Variants in FAM3C observed in about 807,000 individuals in gnomAD.
The protein encoded by FAM3C is FAM3 metabolism regulating signaling molecule C.
A neutral mutation model predicts 32.5 loss-of-function variants in FAM3C; 15 were observed. That is an observed-to-expected ratio of 0.46 (90% confidence interval 0.31 to 0.71). The LOEUF (loss-of-function observed/expected upper bound fraction) is 0.71. Ranked by LOEUF, FAM3C falls within the 30% of genes least tolerant of loss-of-function variation. The pLI is 0.05. For missense variants in FAM3C, 175 were observed against 274.4 expected (o/e 0.64, Z 2.56); for synonymous variants, 75 against 86.1 (o/e 0.87, Z 0.72).
chr7:121,382,971 T>C lies in FAM3C; in HGVS notation c.-2A>G. On this transcript the variant is annotated 5_prime_UTR_variant, in exon 2 of 10. Coordinates refer to ENST00000359943, the MANE Select transcript of FAM3C (RefSeq NM_014888.3). ...AAATATCTTACCTGCTACCCTCATG[T>C]TTGGTTTTTCAGTTTATGGCACTTT... 2 of 1,603,148 alleles carry C rather than the reference T, an allele frequency of 1.2e-6. No individual in the cohort carries two copies. The highest frequency in any genetic ancestry group is 1.7e-6 in the Non-Finnish European group (2 of 1,173,056).
intron 1 of FAM3C, among the ~76,000 whole-genome samples, chr7:121,385,693 C>T (rs1794451602): frequency 1.3e-5 from 2 of 152,102 alleles, no homozygotes; most frequent in South Asian, 4.1e-4. Flanking sequence ...CCATTATTTC[C>T]TTGGGAAGTG....
At chr7:121,376,969 A>G (rs1429988762) in intron 3 of FAM3C, among the ~76,000 whole-genome samples, 1 of 152,164 alleles carries the variant, frequency 6.6e-6, no homozygotes, top group Non-Finnish European at 1.5e-5. Flanking sequence ...CAGTCTTGAG[A>G]TTAAATGTGA....
At chr7:121,351,798 G>T (rs1412812708) in intron 8 of FAM3C, among the ~76,000 whole-genome samples, 1 of 152,124 alleles carries the variant, frequency 6.6e-6, no homozygotes, top group Non-Finnish European at 1.5e-5. Context: ...ACTGCCAAGT[G>T]GTTACTTAAT....
intron 2 of FAM3C, 135 bp from the exon 3 acceptor site, chr7:121,379,149 T>C (rs749680065): frequency 7.1e-5 from 39 of 552,548 alleles, no homozygotes; most frequent in Non-Finnish European, 1.2e-4. Flanking sequence ...TAATTTTACA[T>C]GAGATACATA....
At chr7:121,390,853 C>CGGGGGGGG (rs58750532) in intron 1 of FAM3C, among the ~76,000 whole-genome samples, 7 of 7,460 alleles carry the variant, frequency 9.4e-4, no homozygotes, top group African/African-American at 1.8e-3. Flanking sequence ...CTGTGTGGGG[C>CGGGGGGGG]GGGGGGGGGG....
At chr7:121,394,301 T>C (rs1368272493) in intron 1 of FAM3C, among the ~76,000 whole-genome samples, 2 of 152,248 alleles carry the variant, frequency 1.3e-5, no homozygotes, top group East Asian at 1.9e-4. Flanking sequence ...TTGGCTGTCT[T>C]TTCCAATTTC....
At chr7:121,389,107 G>A (rs1451451439) in intron 1 of FAM3C, among the ~76,000 whole-genome samples, 1 of 152,146 alleles carries the variant, frequency 6.6e-6, no homozygotes, top group African/African-American at 2.4e-5. Flanking sequence ...AATCATGAAA[G>A]TGCCCCATCT....
chr7:121,393,540 A>T (rs1006088737), intron 1 of FAM3C, among the ~76,000 whole-genome samples: 6 of 152,200 alleles, frequency 3.9e-5, no homozygotes. Flanking sequence ...AATCATGAAT[A>T]GCGGATTTTC....
At chr7:121,361,913 G>A (rs201113172) in intron 7 of FAM3C, among the ~76,000 whole-genome samples, 12 of 152,160 alleles carry the variant, frequency 7.9e-5, no homozygotes, top group Non-Finnish European at 1.8e-4. Context: ...TCCTGACGTC[G>A]TGATCTGCCT....
At chr7:121,378,280 T>A (rs1416317932) in intron 3 of FAM3C, among the ~76,000 whole-genome samples, 4 of 151,056 alleles carry the variant, frequency 2.6e-5, no homozygotes, top group East Asian at 3.9e-4. Flanking sequence ...AAAAAAAAAA[T>A]GCCACAGAGG....
chr7:121,353,977 C>G (rs1793760049), intron 8 of FAM3C, among the ~76,000 whole-genome samples: 1 of 152,194 alleles, frequency 6.6e-6, no homozygotes, highest in Admixed American at 6.5e-5. Flanking sequence ...TATCTAACTA[C>G]AGTTTTATAA....
intron 5 of FAM3C, among the ~76,000 whole-genome samples, chr7:121,366,348 C>T (rs887431586): frequency 2.0e-5 from 3 of 152,014 alleles, no homozygotes; most frequent in African/African-American, 7.2e-5. Flanking sequence ...AATGGAATAT[C>T]GTTCAGACAT....
chr7:121,368,099 T>A (rs1794060551), intron 5 of FAM3C, among the ~76,000 whole-genome samples: 1 of 152,200 alleles, frequency 6.6e-6, no homozygotes, highest in Non-Finnish European at 1.5e-5. Context: ...TTTATCAGCA[T>A]AATGTATTTT....
chr7:121,359,606 T>C (rs1248172454), intron 8 of FAM3C, among the ~76,000 whole-genome samples: 2 of 151,908 alleles, frequency 1.3e-5, no homozygotes, highest in Non-Finnish European at 2.9e-5. Flanking sequence ...GAAAAAGTTA[T>C]AAAACTACTA....
chr7:121,370,169 A>G (rs1392260066), intron 5 of FAM3C, among the ~76,000 whole-genome samples: 1 of 152,258 alleles, frequency 6.6e-6, no homozygotes, highest in Non-Finnish European at 1.5e-5. Context: ...TCAGTAAAAC[A>G]GGACTATTCT....
chr7:121,383,555 T>A (rs1338236735), intron 1 of FAM3C, among the ~76,000 whole-genome samples: 1 of 152,192 alleles, frequency 6.6e-6, no homozygotes, highest in Non-Finnish European at 1.5e-5. Flanking sequence ...TGTTTTTCGA[T>A]TTAAGTTTGT....
chr7:121,375,771 T>C (rs140988850), intron 3 of FAM3C, among the ~76,000 whole-genome samples: 160 of 152,320 alleles, frequency 1.1e-3, no homozygotes, highest in African/African-American at 3.7e-3. Flanking sequence ...TCTTTTCCCA[T>C]GTAACTTCTA....
intron 3 of FAM3C, among the ~76,000 whole-genome samples, chr7:121,377,763 G>C (rs781734882): frequency 2.2e-4 from 33 of 152,242 alleles, no homozygotes; most frequent in Non-Finnish European, 3.5e-4. Flanking sequence ...ACTTATCATT[G>C]TGTTCAACTG....
At chr7:121,374,908 G>C (rs943747970) in intron 3 of FAM3C, among the ~76,000 whole-genome samples, 3 of 152,162 alleles carry the variant, frequency 2.0e-5, no homozygotes, top group Non-Finnish European at 4.4e-5. Flanking sequence ...ACAGCTTTAT[G>C]TGAATCCCAC....
Sources: gnomAD v4.1 joint callset for allele counts (sites outside exome capture counted in the v4.1 genomes callset) on GRCh38, gnomAD v4.1.1 for gene constraint, MANE v1.5 for transcripts, NCBI Gene and HGNC (gene_info 2026-07-23, HGNC 2026-07-21) for gene names.